NCS1: variants seen among roughly 807,000 people sequenced by gnomAD.
NCS1 encodes neuronal calcium sensor 1.
In NCS1, 6 loss-of-function variants were observed where a neutral mutation model predicts 28.4. The ratio of observed to expected loss-of-function variants is 0.21; its 90% CI spans 0.12 to 0.42. The LOEUF is 0.42. NCS1 is among the 10% of genes least tolerant of loss of function. NCS1 has a pLI of 1.00. For missense variants in NCS1, 131 were observed against 241.4 expected, an observed-to-expected ratio of 0.54 and a Z score of 3.03; for synonymous variants, 86 against 99.3, an observed-to-expected ratio of 0.87 and a Z score of 0.79.
rs1554909943 is a variant in NCS1, at chr9:130,219,700, G to A, written c.229-25G>A. ...CGGTGGCCTGGCCGGCACTGACTGA[G>A]GCAATCCCCTCTCTCTCCTGTCAGG... On this transcript the variant is annotated intron_variant, in intron 3 of 7. Transcript: ENST00000372398. The surrounding 1 kb of genome is among the most constrained non-coding windows in gnomAD (Gnocchi z 5.7). 1.9e-6 allele frequency: 3 copies of A among 1,613,220 alleles called. No homozygotes were observed. The highest frequency in any genetic ancestry group is 3.3e-5 in the Admixed American group (2 of 60,014).
chr9:130,205,352 G>T (rs79460329), intron 2 of NCS1, among the ~76,000 whole-genome samples: 10 of 151,960 alleles, frequency 6.6e-5, no homozygotes, highest in Non-Finnish European at 4.4e-5. Context: ...GAGGCCCAGT[G>T]CTCACTGTGG....
At chr9:130,231,877 GAA>G (rs71499227) in intron 7 of NCS1, among the ~76,000 whole-genome samples, 21 of 135,638 alleles carry the variant, frequency 1.5e-4, no homozygotes, top group Non-Finnish European at 1.8e-4. Flanking sequence ...TATTTTCCAT[GAA>G]AAAAAAAAAA....
At chr9:130,189,411 A>G (rs1293409567) in intron 1 of NCS1, among the ~76,000 whole-genome samples, 3 of 152,158 alleles carry the variant, frequency 2.0e-5, no homozygotes, top group Admixed American at 6.5e-5. Context: ...GCCTTCCACA[A>G]TGTCTGACCT....
intron 1 of NCS1, among the ~76,000 whole-genome samples, chr9:130,183,064 T>C (rs1170453691): frequency 6.6e-6 from 1 of 152,052 alleles, no homozygotes; most frequent in Non-Finnish European, 1.5e-5. Context: ...TCCGAAGAGT[T>C]TTTCCCTGCA....
intron 5 of NCS1, 62 bp from the exon 6 acceptor site, chr9:130,223,020 C>CCCAGA (rs2131156799): frequency 7.0e-7 from 1 of 1,435,124 alleles, no homozygotes; most frequent in East Asian, 2.3e-5. Context: ...GGGGCAAATG[C>CCCAGA]GTGGCCAAGA....
intron 1 of NCS1, among the ~76,000 whole-genome samples, chr9:130,182,402 C>G (rs1364378508): frequency 2.6e-5 from 4 of 152,240 alleles, no homozygotes; most frequent in Non-Finnish European, 4.4e-5. Flanking sequence ...GCTGCTGGAG[C>G]ATCAGACACT....
chr9:130,204,300 T>A (rs1832997999), intron 2 of NCS1, among the ~76,000 whole-genome samples: 1 of 152,130 alleles, frequency 6.6e-6, no homozygotes, highest in Non-Finnish European at 1.5e-5. Context: ...TTAATATTAT[T>A]TTTTCAGAGA....
chr9:130,172,746 C>A lies in NCS1; in HGVS notation c.64+19C>A. On this transcript the variant is annotated intron_variant, in intron 1 of 7. Coordinates refer to ENST00000372398, the MANE Select transcript of NCS1 (RefSeq NM_014286.4). ...ACCTACTGTGAGTGCTCCCAGCCCC[C>A]AGCCCGCGCCCCGCGGTCACCCCCA... The A allele has an allele frequency of 6.9e-7, 1 of 1,452,362 alleles. No homozygotes were observed. Among genetic ancestry groups the A allele is most frequent in the Non-Finnish European group, 9.2e-7 (1 of 1,089,128 alleles). The allele number at this position is 1,452,362 out of a possible 1,614,324, so 90.0% of individuals were successfully genotyped here.
rs141894711 is a variant in NCS1, at chr9:130,189,028, T to A, written c.65-11930T>A. On this transcript the variant is annotated intron_variant, in intron 1 of 7. Transcript: ENST00000372398. ...CACTGGGCCCAGCTGAGCTTTCCTT[T>A]CTTATTATGACAGATAGACAGCTGT... Among the ~76,000 whole-genome samples the A allele has an allele frequency of 2.6e-5, 4 of 152,304 alleles. No homozygotes were observed. The East Asian group carries it at 7.7e-4, about 29-fold the overall frequency.
rs367655474 is a variant in NCS1 at position 130,231,351 on chromosome 9, CAA to C, written c.*18-1628_*18-1627del. ...TGGGTGATAAAGTGAGATTTTATCT[CAA>C]AAAAAAAAAACTTTAATTTTGTTTA... On this transcript the variant is annotated intron_variant, in intron 7 of 7. Coordinates refer to ENST00000372398, the MANE Select transcript of NCS1 (RefSeq NM_014286.4). Among the ~76,000 whole-genome samples the C allele has an allele frequency of 1.1e-4, 16 of 144,712 alleles. 1 individual carries two copies. The highest frequency in any genetic ancestry group is 2.1e-4 in the South Asian group (1 of 4,702). The allele number at this position is 144,712 out of a possible 152,430, so 94.9% of individuals were successfully genotyped here.
At chr9:130,196,721 G>T (rs73545540) in intron 1 of NCS1, among the ~76,000 whole-genome samples, 6,644 of 152,126 alleles carry the variant, frequency 0.044, 483 homozygotes, top group African/African-American at 0.15. Flanking sequence ...CCCAGCCTGG[G>T]TGACAGAGGG....
At chr9:130,176,992 ACCCTCGGT>A (rs1832581192) in intron 1 of NCS1, among the ~76,000 whole-genome samples, 1 of 151,814 alleles carries the variant, frequency 6.6e-6, no homozygotes, top group Non-Finnish European at 1.5e-5. Context: ...CTTCCCAGGG[ACCCTCGGT>A]CTGGGACTCA....
chr9:130,225,990 C>T (rs898695736), intron 6 of NCS1, among the ~76,000 whole-genome samples: 6 of 152,248 alleles, frequency 3.9e-5, no homozygotes, highest in African/African-American at 9.6e-5. Flanking sequence ...GTTTAAATGC[C>T]CTTCCAAGAG....
rs1833513157 is a variant in NCS1 at position 130,232,613 on chromosome 9, T to C, written c.*18-377T>C. ...CTGGCCAAGATGGTGAAACCCTGTCTCTACTAAAAAATGCAAAAAGAAATT... is the reference window on the plus strand; with the variant it reads ...CTGGCCAAGATGGTGAAACCCTGTCCCTACTAAAAAATGCAAAAAGAAATT... On this transcript the variant is annotated intron_variant, in intron 7 of 7. Transcript: ENST00000372398. The surrounding 1 kb of genome is among the most constrained non-coding windows in gnomAD (Gnocchi z 4.4). Among the ~76,000 whole-genome samples the C allele has an allele frequency of 6.6e-6, 1 of 151,948 alleles. No homozygotes were observed. The highest frequency in any genetic ancestry group is 1.5e-5 in the Non-Finnish European group (1 of 67,988).
intron 1 of NCS1, among the ~76,000 whole-genome samples, chr9:130,184,445 G>A (rs1412374928): frequency 4.6e-5 from 7 of 151,986 alleles, no homozygotes; most frequent in South Asian, 4.2e-4. Context: ...GCATTCATGC[G>A]AAAACATTGG....
chr9:130,177,780 G>A lies in NCS1; in HGVS notation c.64+5053G>A, dbSNP rs1832594801. 6.6e-6 allele frequency among the ~76,000 whole-genome samples: 1 copy of A among 152,214 alleles called. No homozygotes were observed. The highest frequency in any genetic ancestry group is 2.1e-4 in the South Asian group (1 of 4,832). On this transcript the variant is annotated intron_variant, in intron 1 of 7. Transcript: ENST00000372398. The surrounding 1 kb of genome is among the most constrained non-coding windows in gnomAD (Gnocchi z 4.4). Reference sequence around the variant, plus strand: ...AACTCCATGGATCTAAACAGGAGAAGCTTTGCAGTCCGGGGAGCGGGCCAG... The same window carrying A: ...AACTCCATGGATCTAAACAGGAGAAACTTTGCAGTCCGGGGAGCGGGCCAG...
At chr9:130,198,643 G>A (rs1416564492) in intron 1 of NCS1, among the ~76,000 whole-genome samples, 10 of 152,222 alleles carry the variant, frequency 6.6e-5, no homozygotes, top group Admixed American at 5.9e-4. Flanking sequence ...TCCCTGTGGG[G>A]TTTTTGTGAA....
chr9:130,222,253 C>A (rs1833340671), intron 4 of NCS1, among the ~76,000 whole-genome samples: 1 of 151,514 alleles, frequency 6.6e-6, no homozygotes, highest in East Asian at 1.9e-4. Context: ...CTCCTGGGCT[C>A]AAGCCATCCT....
At chr9:130,183,222 A>AG (rs1185411416) in intron 1 of NCS1, among the ~76,000 whole-genome samples, 21 of 152,258 alleles carry the variant, frequency 1.4e-4, no homozygotes, top group Non-Finnish European at 2.9e-4. Flanking sequence ...TGCCCCTCTC[A>AG]GGGCCGCAGT....
Sources: gnomAD v4.1 joint callset for allele counts (sites outside exome capture counted in the v4.1 genomes callset) on GRCh38, gnomAD v4.1.1 for gene constraint, Gnocchi (gnomAD v3.1) non-coding constraint, MANE v1.5 for transcripts, NCBI Gene and HGNC (gene_info 2026-07-23, HGNC 2026-07-21) for gene names.